Variants in PDLIM5 observed in about 807,000 individuals in gnomAD.
PDLIM5 encodes the protein PDZ and LIM domain protein 5.
Under a neutral mutation model 64.2 loss-of-function variants are expected in PDLIM5, and 34 were observed. That is an observed-to-expected ratio of 0.53 (90% CI 0.40 to 0.71). The LOEUF is 0.71. Ranked by LOEUF, PDLIM5 falls within the 30% of genes least tolerant of loss-of-function variation. The pLI, the probability that PDLIM5 is intolerant of heterozygous loss-of-function variation, is 0.00. For missense variants in PDLIM5, 683 were observed against 733.6 expected (o/e 0.93, Z 0.80); for synonymous variants, 253 against 269.1 (o/e 0.94, Z 0.59).
At chr4:94,600,188 T>C (rs1023845167) in intron 7 of PDLIM5, among the ~76,000 whole-genome samples, 2 of 152,178 alleles carry the variant, frequency 1.3e-5, no homozygotes, top group African/African-American at 4.8e-5. Context: ...GACAATAGGA[T>C]GTGTGAAGGT....
chr4:94,505,232 T>C (rs1410519495), intron 2 of PDLIM5, among the ~76,000 whole-genome samples: 3 of 152,094 alleles, frequency 2.0e-5, no homozygotes, highest in East Asian at 3.9e-4. Context: ...CCTACAAGAC[T>C]GCTCCACATT....
chr4:94,541,196 C>T (rs547545346), intron 3 of PDLIM5, among the ~76,000 whole-genome samples: 1 of 152,130 alleles, frequency 6.6e-6, no homozygotes, highest in Non-Finnish European at 1.5e-5. Flanking sequence ...CTAACATACA[C>T]CACTTCCCAA....
chr4:94,610,937 C>A, intron 7 of PDLIM5: 2 of 609,146 alleles, frequency 3.3e-6, no homozygotes, highest in Non-Finnish European at 5.7e-6. Flanking sequence ...CTTTGTGCTT[C>A]CCCTCCTTCT....
chr4:94,493,189 C>T (rs1475923000), intron 2 of PDLIM5, among the ~76,000 whole-genome samples: 1 of 152,058 alleles, frequency 6.6e-6, no homozygotes, highest in Admixed American at 6.6e-5. Context: ...GATCTTTTGC[C>T]TATTTAAAAA....
intron 3 of PDLIM5, among the ~76,000 whole-genome samples, chr4:94,532,199 A>C (rs7683990): frequency 0.28 from 42,884 of 152,142 alleles, 7,300 homozygotes; most frequent in African/African-American, 0.48. Context: ...GATCATCATT[A>C]CAGCAGTTAC....
intron 3 of PDLIM5, among the ~76,000 whole-genome samples, chr4:94,544,780 C>T (rs1392426197): frequency 1.3e-5 from 2 of 152,178 alleles, no homozygotes; most frequent in Admixed American, 6.5e-5. Flanking sequence ...CTCAGCCTCC[C>T]GAGTAGCTGG....
chr4:94,540,651 G>T (rs893012656), intron 3 of PDLIM5, among the ~76,000 whole-genome samples: 3 of 152,160 alleles, frequency 2.0e-5, no homozygotes, highest in Non-Finnish European at 4.4e-5. Context: ...GATGAGTGTT[G>T]AAAGTCCTAA....
At chr4:94,642,227 A>G (rs1741051247) in intron 9 of PDLIM5, among the ~76,000 whole-genome samples, 1 of 152,154 alleles carries the variant, frequency 6.6e-6, no homozygotes, top group South Asian at 2.1e-4. Context: ...TTTGTATGCT[A>G]TTGTAAGCAA....
intron 7 of PDLIM5, among the ~76,000 whole-genome samples, chr4:94,588,999 C>T (rs991249428): frequency 1.3e-5 from 2 of 152,138 alleles, no homozygotes; most frequent in African/African-American, 4.8e-5. Context: ...AGAGGTCCTG[C>T]CTGCTTGTGT....
chr4:94,622,451 A>T (rs1739312249), intron 8 of PDLIM5, among the ~76,000 whole-genome samples: 1 of 152,218 alleles, frequency 6.6e-6, no homozygotes, highest in Non-Finnish European at 1.5e-5. Flanking sequence ...TAGTTTAATC[A>T]TATACAAAAT....
chr4:94,576,151 G>T, intron 5 of PDLIM5, 117 bp downstream of exon 5: 1 of 808,498 alleles, frequency 1.2e-6, no homozygotes, highest in Non-Finnish European at 2.0e-6. Flanking sequence ...GGGAGATGAA[G>T]TATTATTTGC....
intron 4 of PDLIM5, among the ~76,000 whole-genome samples, chr4:94,574,061 T>C (rs1735035741): frequency 6.6e-6 from 1 of 152,182 alleles, no homozygotes; most frequent in Admixed American, 6.5e-5. Flanking sequence ...GCTCCTGCAT[T>C]CTACAAAGAT....
In PDLIM5 at chr4:94,575,798, A is replaced by T. The variant is rs779457230; in HGVS notation, c.474A>T (p.Ser158=). 17 of 1,613,718 alleles carry T rather than the reference A, an allele frequency of 1.1e-5. No homozygotes were observed. In the African/African-American group the frequency reaches 2.0e-4, roughly 19 times the overall value. Reference sequence around the variant, plus strand: ...TCACCCCAGCCCATGCGACCACCTCATCACATGCTTCCCCTTCACCCGTGG... The same window carrying T: ...TCACCCCAGCCCATGCGACCACCTCTTCACATGCTTCCCCTTCACCCGTGG... ...SAFTPAHATT[S]SHASPSPVAA... is the part of the protein sequence containing the mutation. The change falls in exon 5 of 13, where the codon TCA becomes TCT. Residue 158 remains serine (S), a synonymous_variant. Coordinates refer to ENST00000317968, the MANE Select transcript of PDLIM5 (RefSeq NM_006457.5).
Position 94,455,689 on chromosome 4 carries a change from G to T in PDLIM5, c.96+305G>T, listed in dbSNP as rs995793287. The stretch of plus-strand genomic sequence containing the variant: ...AATTTGGGGAATTCTCTGAATCTTC[G>T]TTCTTTCATATATAATTTTCAAAGG... On this transcript the variant is annotated intron_variant, in intron 2 of 12. Transcript: ENST00000317968. 16 of 1,111,280 alleles carry T rather than the reference G, an allele frequency of 1.4e-5. No individual in the cohort carries two copies. In the Admixed American group the frequency reaches 2.9e-4, roughly 20 times the overall value. The allele number at this position is 1,111,280 out of a possible 1,614,324, so 68.8% of individuals were successfully genotyped here.
intron 2 of PDLIM5, among the ~76,000 whole-genome samples, chr4:94,499,982 A>T (rs1048386709): frequency 5.3e-5 from 8 of 152,312 alleles, no homozygotes; most frequent in Middle Eastern, 3.4e-3. Flanking sequence ...GTCTTCCATG[A>T]AACCAGTCCC....
chr4:94,612,515 C>A (rs1209518865), intron 7 of PDLIM5, among the ~76,000 whole-genome samples: 1 of 152,098 alleles, frequency 6.6e-6, no homozygotes, highest in East Asian at 1.9e-4. Flanking sequence ...AGCTATAGAT[C>A]CTCTCTCCAG....
At chr4:94,480,845 A>C (rs1226579748) in intron 2 of PDLIM5, among the ~76,000 whole-genome samples, 1 of 152,194 alleles carries the variant, frequency 6.6e-6, no homozygotes, top group East Asian at 1.9e-4. Context: ...AATACAAAAA[A>C]GGTTTACATC....
chr4:94,664,567 GT>G lies in PDLIM5; in HGVS notation c.*505del. On this transcript the variant is annotated 3_prime_UTR_variant, in exon 13 of 13. Coordinates refer to ENST00000317968, the MANE Select transcript of PDLIM5 (RefSeq NM_006457.5). ...AGAATTTTATCAGTAATAGGTGTCA[GT>G]TTTTAAAAAATTGCTTGTAGGCTGA... 1.2e-6 allele frequency: 1 copy of G among 869,068 alleles called. No homozygotes were observed. The highest frequency in any genetic ancestry group is 1.4e-6 in the Non-Finnish European group (1 of 724,122). 53.8% of individuals were successfully genotyped at this position (869,068 alleles called of 1,614,324 possible).
chr4:94,609,572 C>A (rs573226205), intron 7 of PDLIM5, among the ~76,000 whole-genome samples: 1 of 152,092 alleles, frequency 6.6e-6, no homozygotes, highest in East Asian at 1.9e-4. Context: ...GGTTTATTTT[C>A]GCAAAGGTAC....
Sources: allele counts gnomAD v4.1 joint callset (sites outside exome capture counted in the v4.1 genomes callset), GRCh38; gene constraint gnomAD v4.1.1; transcripts MANE v1.5; gene names NCBI Gene and HGNC (gene_info 2026-07-23, HGNC 2026-07-21).